EYA2: variants seen among roughly 807,000 people sequenced by gnomAD.
EYA2 encodes protein phosphatase EYA2.
A neutral mutation model predicts 69.2 loss-of-function variants in EYA2; 31 were observed. The ratio of observed to expected loss-of-function variants is 0.45; its 90% CI spans 0.34 to 0.60. The LOEUF (loss-of-function observed/expected upper bound fraction) is 0.60. Among genes scored for constraint, EYA2 ranks in the 20% least tolerant of loss-of-function variants. The pLI, the probability that EYA2 is intolerant of heterozygous loss-of-function variation, is 0.02. For synonymous variants in EYA2, 257 were observed against 279.4 expected (o/e 0.92, Z 0.80); for missense variants, 622 against 701.2 (o/e 0.89, Z 1.28).
At position 47,143,155 on chromosome 20, in the gene EYA2, G is replaced by C; in HGVS notation, c.978+7G>C. Reference sequence around the variant, plus strand: ...GTTCTTCAATGACCTGGAGGTTTGTGGTTGCTGATTTCATTTAATATTTGC... The same window carrying C: ...GTTCTTCAATGACCTGGAGGTTTGTCGTTGCTGATTTCATTTAATATTTGC... On this transcript the variant is annotated splice_region_variant and intron_variant, in intron 10 of 15. Coordinates refer to ENST00000327619, the MANE Select transcript of EYA2 (RefSeq NM_005244.5). 3.7e-6 allele frequency: 6 copies of C among 1,607,624 alleles called. No homozygotes were observed. The highest frequency in any genetic ancestry group is 5.1e-6 in the Non-Finnish European group (6 of 1,176,838).
At chr20:46,983,236 CA>C (rs1980956506) in intron 1 of EYA2, among the ~76,000 whole-genome samples, 1 of 152,020 alleles carries the variant, frequency 6.6e-6, no homozygotes, top group Non-Finnish European at 1.5e-5. Context: ...GGTTTTTGAT[CA>C]TTTGGTTTTG....
At chr20:46,958,463 G>T (rs1480411302) in intron 1 of EYA2, among the ~76,000 whole-genome samples, 1 of 151,882 alleles carries the variant, frequency 6.6e-6, no homozygotes, top group Non-Finnish European at 1.5e-5. Context: ...AAAAAAACAT[G>T]AACATGTTAT....
chr20:47,092,267 G>A (rs568491536), intron 8 of EYA2, among the ~76,000 whole-genome samples: 1 of 152,142 alleles, frequency 6.6e-6, no homozygotes, highest in Non-Finnish European at 1.5e-5. Flanking sequence ...ATCCATGCTA[G>A]AGACCTGGTG....
At chr20:46,997,695 C>T (rs1251717848) in intron 2 of EYA2, 1 of 152,372 alleles carries the variant, frequency 6.6e-6, no homozygotes, top group Non-Finnish European at 1.5e-5. Flanking sequence ...ATGACTCCTC[C>T]ATTGACCTTG....
intron 2 of EYA2, among the ~76,000 whole-genome samples, chr20:46,997,045 C>G (rs191388259): frequency 6.6e-6 from 1 of 152,268 alleles, no homozygotes; most frequent in African/African-American, 2.4e-5. Context: ...TAATAGCACC[C>G]TTTCCCCCCA....
At chr20:47,010,359 A>G (rs966504532) in intron 4 of EYA2, among the ~76,000 whole-genome samples, 1 of 6,714 alleles carries the variant, frequency 1.5e-4, no homozygotes, top group Non-Finnish European at 2.5e-4. Context: ...GGCTGCCTAG[A>G]TGGCACCAGT....
At chr20:47,184,141 G>C (rs1461365543) in intron 15 of EYA2, among the ~76,000 whole-genome samples, 3 of 152,160 alleles carry the variant, frequency 2.0e-5, no homozygotes, top group African/African-American at 7.2e-5. Flanking sequence ...CCTCCACCTG[G>C]AAGGCTCCTC....
chr20:47,158,224 C>T (rs971950500), intron 10 of EYA2, among the ~76,000 whole-genome samples: 7 of 151,960 alleles, frequency 4.6e-5, no homozygotes, highest in African/African-American at 1.7e-4. Flanking sequence ...TTAAAAAACA[C>T]TGAAGACTGT....
At chr20:47,089,092 G>A (rs952409129) in intron 7 of EYA2, 147 bp from the exon 8 acceptor site, 27 of 858,484 alleles carry the variant, frequency 3.1e-5, no homozygotes, top group African/African-American at 1.0e-4. Flanking sequence ...GGACTTCCAA[G>A]GGCAGTTTTC....
intron 5 of EYA2, among the ~76,000 whole-genome samples, chr20:47,045,497 G>A (rs1390163282): frequency 2.6e-5 from 4 of 152,218 alleles, no homozygotes; most frequent in Non-Finnish European, 5.9e-5. Context: ...ACAGGGATCA[G>A]AAGAGTTCTT....
At chr20:47,156,103 C>CATATATATACAT (rs1227214458) in intron 10 of EYA2, among the ~76,000 whole-genome samples, 57 of 17,536 alleles carry the variant, frequency 3.3e-3, no homozygotes, top group Admixed American at 4.9e-3. Flanking sequence ...CACACACACA[C>CATATATATACAT]ACACACACAC....
intron 8 of EYA2, among the ~76,000 whole-genome samples, chr20:47,095,337 G>A (rs534792956): frequency 6.6e-6 from 1 of 151,946 alleles, no homozygotes; most frequent in Non-Finnish European, 1.5e-5. Flanking sequence ...ACAAGGAAAG[G>A]CAGTATCAAC....
At chr20:47,141,521 G>T (rs939386861) in intron 9 of EYA2, among the ~76,000 whole-genome samples, 4 of 152,148 alleles carry the variant, frequency 2.6e-5, no homozygotes, top group Non-Finnish European at 5.9e-5. Flanking sequence ...CATGTGTATC[G>T]GTTAGGATAG....
At chr20:47,169,061 A>T in intron 10 of EYA2, 78 bp from the exon 11 acceptor site, 1 of 1,392,216 alleles carries the variant, frequency 7.2e-7, no homozygotes, top group Non-Finnish European at 1.0e-6. Context: ...TCAGCTTATG[A>T]GGCCAACCCT....
At chr20:46,942,577 C>G (rs1028253941) in intron 1 of EYA2, among the ~76,000 whole-genome samples, 1 of 152,154 alleles carries the variant, frequency 6.6e-6, no homozygotes, top group African/African-American at 2.4e-5. Context: ...ATGTGACTTA[C>G]CCACATGGCC....
chr20:46,989,542 C>T (rs1438480647), intron 1 of EYA2, among the ~76,000 whole-genome samples: 1 of 152,242 alleles, frequency 6.6e-6, no homozygotes, highest in Admixed American at 6.5e-5. Context: ...GCTGGGATTA[C>T]AGGCATGTGC....
rs539060051 is a variant in EYA2, at chr20:47,163,228, A to G, written c.979-5911A>G. On this transcript the variant is annotated intron_variant, in intron 10 of 15. Transcript: ENST00000327619. The stretch of plus-strand genomic sequence containing the variant: ...GTATTTTTAATAGAGACAGGGTTTC[A>G]CTATGTTGGCCAGGCTGGTCTCCAA... 2.6e-5 allele frequency among the ~76,000 whole-genome samples: 4 copies of G among 152,060 alleles called. No homozygotes were observed. In the South Asian group the frequency reaches 8.3e-4, roughly 32 times the overall value.
chr20:46,987,921 T>A (rs868049729), intron 1 of EYA2, among the ~76,000 whole-genome samples: 543 of 20,932 alleles, frequency 0.026, 134 homozygotes, highest in Non-Finnish European at 0.026. Context: ...AGTAAGTCTC[T>A]CTCTCTCTCT....
chr20:47,021,719 T>G (rs912535961), intron 5 of EYA2, among the ~76,000 whole-genome samples: 3 of 151,210 alleles, frequency 2.0e-5, no homozygotes, highest in South Asian at 2.1e-4. Context: ...ACATAAAGAC[T>G]GAAGCTTAGA....
Sources: gnomAD v4.1 joint callset for allele counts (sites outside exome capture counted in the v4.1 genomes callset) on GRCh38, gnomAD v4.1.1 for gene constraint, MANE v1.5 for transcripts, NCBI Gene and HGNC (gene_info 2026-07-23, HGNC 2026-07-21) for gene names.